The following COG7 variants were observed in gnomAD, a reference collection of about 807,000 sequenced individuals.
The protein encoded by COG7 is conserved oligomeric Golgi complex subunit 7.
In COG7, 49 loss-of-function variants were observed where a neutral mutation model predicts 91.5. The ratio of observed to expected loss-of-function variants is 0.54; its 90% CI spans 0.43 to 0.68. The LOEUF (loss-of-function observed/expected upper bound fraction) is 0.68. Ranked by LOEUF, COG7 falls within the 30% of genes least tolerant of loss-of-function variation. COG7 has a pLI of 0.00. For missense variants in COG7, 895 were observed against 961.3 expected (o/e 0.93, Z 0.91); for synonymous variants, 365 against 388.7 (o/e 0.94, Z 0.72).
intron 6 of COG7, among the ~76,000 whole-genome samples, chr16:23,432,686 T>C (rs1436130285): frequency 6.6e-6 from 1 of 152,066 alleles, no homozygotes; most frequent in African/African-American, 2.4e-5. Context: ...CCTAGAGACT[T>C]GAGGAAAGTA....
rs1963815814 is a variant in COG7, at chr16:23,424,729, T to C, written c.1009+20A>G. ...AGCGAGTAAAGACAAGCTAGAGAAC[T>C]GGCAGGAAGGAATGTTTACGTAGGT... On this transcript the variant is annotated intron_variant, in intron 7 of 16. Transcript: ENST00000307149. 1 of 1,613,268 alleles carries C rather than the reference T, an allele frequency of 6.2e-7. No homozygotes were observed. Among genetic ancestry groups the C allele is most frequent in the African/African-American group, 1.3e-5 (1 of 74,924 alleles).
chr16:23,425,483 C>T (rs1255179619), intron 6 of COG7, among the ~76,000 whole-genome samples: 1 of 152,002 alleles, frequency 6.6e-6, no homozygotes, highest in African/African-American at 2.4e-5. Flanking sequence ...AGGAACACTA[C>T]CACACCTGAT....
At chr16:23,448,712 G>C (rs1964219381) in intron 1 of COG7, among the ~76,000 whole-genome samples, 1 of 152,106 alleles carries the variant, frequency 6.6e-6, no homozygotes, top group Non-Finnish European at 1.5e-5. Context: ...TTAATACCAA[G>C]GAAGTAGTGA....
chr16:23,429,923 G>C (rs1963907671), intron 6 of COG7, among the ~76,000 whole-genome samples: 1 of 152,160 alleles, frequency 6.6e-6, no homozygotes, highest in Non-Finnish European at 1.5e-5. Flanking sequence ...ATTCCATCTA[G>C]GTGAAATTCT....
chr16:23,449,621 C>A lies in COG7; in HGVS notation c.169+3205G>T, dbSNP rs1596961651. On this transcript the variant is annotated intron_variant, in intron 1 of 16. Coordinates refer to ENST00000307149, the MANE Select transcript of COG7 (RefSeq NM_153603.4). ...CCAGGCATGGTGGCGCATGCCTATACACCCAGCTACTCGGGAGGCTGAGGC... is the reference window on the plus strand; with the variant it reads ...CCAGGCATGGTGGCGCATGCCTATAAACCCAGCTACTCGGGAGGCTGAGGC... Among the ~76,000 whole-genome samples, 4 of 148,488 alleles carry A rather than the reference C, an allele frequency of 2.7e-5. No homozygotes were observed. In the South Asian group the frequency reaches 6.4e-4, roughly 24 times the overall value.
At chr16:23,450,727 G>C (rs1309999672) in intron 1 of COG7, among the ~76,000 whole-genome samples, 2 of 152,054 alleles carry the variant, frequency 1.3e-5, no homozygotes, top group African/African-American at 2.4e-5. Context: ...AGTTATTCAG[G>C]AGGCTGGGGC....
intron 6 of COG7, among the ~76,000 whole-genome samples, chr16:23,426,906 CATT>C (rs2142082920): frequency 6.6e-6 from 1 of 150,690 alleles, no homozygotes; most frequent in South Asian, 2.1e-4. Context: ...TCACAGATGA[CATT>C]ATTTTATGTG....
intron 14 of COG7, among the ~76,000 whole-genome samples, chr16:23,394,736 C>T (rs1349385483): frequency 6.6e-6 from 1 of 152,098 alleles, no homozygotes; most frequent in Non-Finnish European, 1.5e-5. Context: ...GCCCTTCTTT[C>T]CAAACATTCA....
chr16:23,439,385 C>G (rs1370984204), intron 4 of COG7, among the ~76,000 whole-genome samples: 1 of 151,284 alleles, frequency 6.6e-6, no homozygotes, highest in Non-Finnish European at 1.5e-5. Context: ...GAATTGAAAG[C>G]TGGAACTCAA....
Position 23,398,136 on chromosome 16 carries a change from G to T in COG7, c.1804-7C>A. ...TGCCAGCCGTATTCCAGCTCTAAGG[G>T]TGGAACGAGAGGACACAATCAGTAC... is the stretch of plus-strand genomic sequence containing the variant. On this transcript the variant is annotated splice_region_variant and splice_polypyrimidine_tract_variant and intron_variant, in intron 13 of 16. Coordinates refer to ENST00000307149, the MANE Select transcript of COG7 (RefSeq NM_153603.4). 1 of 1,612,082 alleles carries T rather than the reference G, an allele frequency of 6.2e-7. No homozygotes were observed. Among genetic ancestry groups the T allele is most frequent in the South Asian group, 1.1e-5 (1 of 91,018 alleles).
rs1963216560 is a variant in COG7, at chr16:23,392,532, A to G, written c.2003-9T>C. On this transcript the variant is annotated splice_polypyrimidine_tract_variant and intron_variant, in intron 15 of 16. Transcript: ENST00000307149. ...CTCGGGCAATTCATCCCCTGAAAAG[A>G]AAAGGAGGTCACCAAGGAAAACACA... 1 of 1,614,164 alleles carries G rather than the reference A, an allele frequency of 6.2e-7. No individual in the cohort carries two copies. The highest frequency in any genetic ancestry group is 1.1e-5 in the South Asian group (1 of 91,082).
At position 23,393,263 on chromosome 16, in the gene COG7, C is replaced by T. The variant is rs115073082; in HGVS notation, c.1972G>A (p.Ala658Thr). ...TCAGGAGGAAATGGCAGCTTTCCAG[C>T]GTGCAATGCCAACTCTAAGGCAGAG... ...EDSALELALH[A>T]GKLPFPPEQG... The change falls in exon 15 of 17, where the codon GCT (alanine) becomes ACT (threonine). Residue 658 changes from alanine to threonine, a missense_variant. By Grantham distance (58) the Ala-to-Thr change is moderately conservative. Coordinates refer to ENST00000307149, the MANE Select transcript of COG7 (RefSeq NM_153603.4). 444 of 1,613,918 alleles carry T rather than the reference C, an allele frequency of 2.8e-4. No homozygotes were observed. In the East Asian group the frequency reaches 7.7e-3, roughly 28 times the overall value.
chr16:23,430,368 G>C (rs185951953), intron 6 of COG7, among the ~76,000 whole-genome samples: 175 of 151,668 alleles, frequency 1.2e-3, no homozygotes, highest in African/African-American at 4.1e-3. Context: ...GGTCAAGGCT[G>C]CAGTGAGCCA....
At chr16:23,449,119 T>C (rs1366943090) in intron 1 of COG7, among the ~76,000 whole-genome samples, 2 of 151,966 alleles carry the variant, frequency 1.3e-5, no homozygotes, top group Non-Finnish European at 2.9e-5. Context: ...ATCCCAGCAC[T>C]TTGGGAGGCC....
Position 23,442,642 on chromosome 16 carries a change from T to A in COG7, c.439A>T (p.Ile147Leu), listed in dbSNP as rs372483991. ...DIEETFKTQD[I>L]AVISAKLTGM... The stretch of plus-strand genomic sequence containing the variant: ...GTTAGCTTGGCAGAAATCACAGCTA[T>A]GTCCTAGAAAAGACCAGAATAGAGA... Residue 147 changes from isoleucine (I) to leucine (L), a missense_variant, in exon 4 of 17, where the codon ATA becomes TTA. Transcript: ENST00000307149. The A allele has an allele frequency of 1.9e-6, 3 of 1,613,138 alleles. No homozygotes were observed. Among genetic ancestry groups the A allele is most frequent in the African/African-American group, 2.7e-5 (2 of 74,918 alleles).
At chr16:23,452,213 A>G (rs910348592) in intron 1 of COG7, among the ~76,000 whole-genome samples, 12 of 152,210 alleles carry the variant, frequency 7.9e-5, no homozygotes, top group Non-Finnish European at 1.8e-4. Context: ...GAGATCTGCT[A>G]TTGAATTATT....
rs1351862780 is a variant in COG7 at position 23,418,781 on chromosome 16, A to C, written c.1056T>G (p.Tyr352Ter). Reference sequence around the variant, plus strand: ...TCAGCTGGTAGGGTTTGTATGGATCATACACAGCATCCACCAGCTCCGTGA... The same window carrying C: ...TCAGCTGGTAGGGTTTGTATGGATCCTACACAGCATCCACCAGCTCCGTGA... Reference protein sequence around the residue: ...VKVTELVDAVYDPYKPYQLKY... With the variant: ...VKVTELVDAV The change falls in exon 8 of 17, where the codon TAT becomes TAG. Residue 352 changes from tyrosine (Y) to a stop codon, truncating the protein, a stop_gained. Transcript: ENST00000307149. LOFTEE classifies it high-confidence loss of function. 3.0e-5 allele frequency: 48 copies of C among 1,613,154 alleles called. No homozygotes were observed. The highest frequency in any genetic ancestry group is 3.9e-5 in the Non-Finnish European group (46 of 1,179,210).
At chr16:23,404,746 C>G (rs761539576) in intron 12 of COG7, among the ~76,000 whole-genome samples, 10 of 152,312 alleles carry the variant, frequency 6.6e-5, no homozygotes, top group Non-Finnish European at 1.3e-4. Flanking sequence ...ATGGTGAAAC[C>G]CTTTCTTTAC....
intron 11 of COG7, among the ~76,000 whole-genome samples, chr16:23,408,624 T>C (rs191350421): frequency 1.6e-3 from 244 of 152,046 alleles, no homozygotes; most frequent in Admixed American, 4.1e-3. Context: ...CACAGCAGGA[T>C]AGAGTGGGAG....
Sources: allele counts gnomAD v4.1 joint callset (sites outside exome capture counted in the v4.1 genomes callset), GRCh38; gene constraint gnomAD v4.1.1; transcripts MANE v1.5; gene names NCBI Gene and HGNC (gene_info 2026-07-23, HGNC 2026-07-21).